The following WWOX variants were observed in gnomAD, a reference collection of about 807,000 sequenced individuals.
WWOX encodes WW domain-containing oxidoreductase.
Under a neutral mutation model 46.2 loss-of-function variants are expected in WWOX, and 69 were observed. The observed-to-expected ratio is 1.49, with a 90% CI of 1.23 to 1.82. The LOEUF is 1.82. Among genes scored for constraint, WWOX ranks in the 40% most tolerant of loss-of-function variants. The pLI is 0.00. For synonymous variants in WWOX, 359 were observed against 202.6 expected (o/e 1.77, Z -6.56); for missense variants, 919 against 542.6 (o/e 1.69, Z -6.89).
At chr16:79,098,532 G>A (rs145503479) in intron 8 of WWOX, among the ~76,000 whole-genome samples, 3 of 152,334 alleles carry the variant, frequency 2.0e-5, no homozygotes, top group Non-Finnish European at 4.4e-5. Flanking sequence ...GCATTTCAAT[G>A]GATTTCTCCA....
intron 8 of WWOX, among the ~76,000 whole-genome samples, chr16:78,931,691 A>G (rs145266273): frequency 2.6e-5 from 4 of 152,210 alleles, no homozygotes; most frequent in Non-Finnish European, 5.9e-5. Context: ...CAGAGGGACA[A>G]GTGTTTAGTA....
Position 78,427,894 on chromosome 16 carries a change from C to T in WWOX, c.791+2839C>T, listed in dbSNP as rs564305736. Among the ~76,000 whole-genome samples the T allele has an allele frequency of 1.4e-4, 21 of 152,194 alleles. No individual in the cohort carries two copies. The South Asian group carries it at 4.4e-3, about 32-fold the overall frequency. ...ATCAGCCTAGCCAGCATGGCGAAAC[C>T]CCATCTCTACTAAAAATACAAAAAT... On this transcript the variant is annotated intron_variant, in intron 7 of 8. Coordinates refer to ENST00000566780, the MANE Select transcript of WWOX (RefSeq NM_016373.4).
intron 8 of WWOX, among the ~76,000 whole-genome samples, chr16:78,893,889 T>A (rs8059922): frequency 1.3e-5 from 2 of 152,126 alleles, no homozygotes; most frequent in Non-Finnish European, 2.9e-5. Flanking sequence ...ATTTTCTAGA[T>A]GCATCTTTTG....
chr16:79,169,818 A>G (rs1244430714), intron 8 of WWOX, among the ~76,000 whole-genome samples: 1 of 152,116 alleles, frequency 6.6e-6, no homozygotes, highest in Admixed American at 6.5e-5. Context: ...TCCTGACTCT[A>G]AATAGTGGGA....
intron 8 of WWOX, among the ~76,000 whole-genome samples, chr16:78,966,182 G>A (rs2046360233): frequency 6.6e-6 from 1 of 152,124 alleles, no homozygotes; most frequent in Non-Finnish European, 1.5e-5. Flanking sequence ...TTTTCCGTGT[G>A]AAATATCTCA....
chr16:78,247,985 TCAGC>T, intron 5 of WWOX, among the ~76,000 whole-genome samples: 1 of 152,216 alleles, frequency 6.6e-6, no homozygotes, highest in Non-Finnish European at 1.5e-5. Context: ...ATATGAATCA[TCAGC>T]TATGCAACAT....
chr16:78,644,301 G>C (rs528340916), intron 8 of WWOX, among the ~76,000 whole-genome samples: 2 of 152,234 alleles, frequency 1.3e-5, no homozygotes, highest in South Asian at 4.2e-4. Flanking sequence ...GATCAGACAG[G>C]TAGTGCTGGT....
At chr16:78,739,730 G>T (rs1756658279) in intron 8 of WWOX, among the ~76,000 whole-genome samples, 1 of 152,140 alleles carries the variant, frequency 6.6e-6, no homozygotes, top group African/African-American at 2.4e-5. Flanking sequence ...AGAATCGCTT[G>T]AACCCAGGAG....
chr16:78,801,233 G>C lies in WWOX; in HGVS notation c.1056+368481G>C, dbSNP rs141365973. Among the ~76,000 whole-genome samples the C allele has an allele frequency of 1.3e-3, 200 of 152,084 alleles. 1 individual carries two copies. The highest frequency in any genetic ancestry group is 4.5e-3 in the African/African-American group (188 of 41,520). Reference sequence around the variant, plus strand: ...AACACCACTCACCATTTTTGTGGTGGGCATGGTGGCTCATGCCTGTAATCC... The same window carrying C: ...AACACCACTCACCATTTTTGTGGTGCGCATGGTGGCTCATGCCTGTAATCC... On this transcript the variant is annotated intron_variant, in intron 8 of 8. Transcript: ENST00000566780.
intron 8 of WWOX, chr16:78,756,833 C>G (rs2049661255): frequency 5.9e-6 from 4 of 676,828 alleles, no homozygotes; most frequent in African/African-American, 1.8e-5. Flanking sequence ...ATACTACTGA[C>G]CTGTATAATC....
At chr16:78,126,899 A>T (rs970867943) in intron 4 of WWOX, among the ~76,000 whole-genome samples, 1 of 152,212 alleles carries the variant, frequency 6.6e-6, no homozygotes, top group African/African-American at 2.4e-5. Flanking sequence ...TAGATCTTCT[A>T]TTAATGACAG....
At chr16:78,560,121 AG>A (rs1394061993) in intron 8 of WWOX, among the ~76,000 whole-genome samples, 1 of 152,182 alleles carries the variant, frequency 6.6e-6, no homozygotes, top group East Asian at 1.9e-4. Context: ...AGATTATATT[AG>A]AAAATATTCT....
intron 6 of WWOX, among the ~76,000 whole-genome samples, chr16:78,413,689 C>G (rs145624182): frequency 6.6e-6 from 1 of 151,472 alleles, no homozygotes; most frequent in African/African-American, 2.4e-5. Flanking sequence ...TTAGCCTGGG[C>G]TCAGAGGCCT....
At chr16:78,796,756 C>A (rs371700706) in intron 8 of WWOX, among the ~76,000 whole-genome samples, 2 of 152,154 alleles carry the variant, frequency 1.3e-5, no homozygotes, top group Admixed American at 6.5e-5. Context: ...AACGGCCATC[C>A]AGCCACTCAT....
intron 5 of WWOX, among the ~76,000 whole-genome samples, chr16:78,203,586 C>T (rs2036300455): frequency 6.6e-6 from 1 of 152,016 alleles, no homozygotes; most frequent in South Asian, 2.1e-4. Flanking sequence ...ACAAGAAGAC[C>T]GTATCTCCGT....
chr16:79,024,222 C>G (rs1255683009), intron 8 of WWOX, among the ~76,000 whole-genome samples: 1 of 152,156 alleles, frequency 6.6e-6, no homozygotes, highest in Non-Finnish European at 1.5e-5. Context: ...AACCACTGAA[C>G]TGTACACTTT....
At chr16:78,805,770 A>T (rs1355251056) in intron 8 of WWOX, among the ~76,000 whole-genome samples, 1 of 152,194 alleles carries the variant, frequency 6.6e-6, no homozygotes, top group Non-Finnish European at 1.5e-5. Flanking sequence ...ATCTCCATAG[A>T]TATCCAGTTT....
chr16:78,506,095 C>T (rs1597181527), intron 8 of WWOX, among the ~76,000 whole-genome samples: 1 of 152,120 alleles, frequency 6.6e-6, no homozygotes, highest in Non-Finnish European at 1.5e-5. Flanking sequence ...GCTTGGCCAG[C>T]AGGGGCTGCC....
At chr16:79,070,674 C>A (rs969454142) in intron 8 of WWOX, among the ~76,000 whole-genome samples, 1 of 152,198 alleles carries the variant, frequency 6.6e-6, no homozygotes, top group Non-Finnish European at 1.5e-5. Flanking sequence ...GAGATGTCAA[C>A]AATCCAGGAG....
Sources: allele counts gnomAD v4.1 joint callset (sites outside exome capture counted in the v4.1 genomes callset), GRCh38; gene constraint gnomAD v4.1.1; transcripts MANE v1.5; gene names NCBI Gene and HGNC (gene_info 2026-07-23, HGNC 2026-07-21).